The following GRM8 variants were observed in gnomAD, a reference collection of about 807,000 sequenced individuals.
The protein encoded by GRM8 is glutamate metabotropic receptor 8.
Under a neutral mutation model 87.2 loss-of-function variants are expected in GRM8, and 47 were observed. The observed-to-expected ratio is 0.54, with a 90% CI of 0.43 to 0.69. The LOEUF is 0.69. GRM8 is among the 30% of genes least tolerant of loss of function. The pLI is 0.00. For synonymous variants in GRM8, 396 were observed against 404.5 expected, an observed-to-expected ratio of 0.98 and a Z score of 0.25; for missense variants, 1,019 against 1,139.2, an observed-to-expected ratio of 0.89 and a Z score of 1.52.
At chr7:127,094,395 G>C (rs1380124769) in intron 3 of GRM8, among the ~76,000 whole-genome samples, 11 of 152,308 alleles carry the variant, frequency 7.2e-5, no homozygotes, top group Non-Finnish European at 1.6e-4. Context: ...GGTAATCCCA[G>C]GGCCAAAATT....
chr7:126,965,127 G>A (rs780745170), intron 3 of GRM8, among the ~76,000 whole-genome samples: 9 of 152,012 alleles, frequency 5.9e-5, no homozygotes, highest in Non-Finnish European at 1.2e-4. Context: ...ATGGACACAG[G>A]GTGGGGGAAT....
intron 3 of GRM8, among the ~76,000 whole-genome samples, chr7:126,970,581 CA>C (rs1340307597): frequency 3.9e-5 from 6 of 152,234 alleles, no homozygotes; most frequent in African/African-American, 1.4e-4. Context: ...ATCCAAACCA[CA>C]AAAACTTTCT....
intron 3 of GRM8, among the ~76,000 whole-genome samples, chr7:126,978,547 C>G (rs1306610582): frequency 6.6e-6 from 1 of 152,164 alleles, no homozygotes; most frequent in African/African-American, 2.4e-5. Context: ...CTAAGGGTAC[C>G]TTGGTGTCAA....
At chr7:126,939,777 C>A (rs1806712300) in intron 3 of GRM8, among the ~76,000 whole-genome samples, 1 of 152,170 alleles carries the variant, frequency 6.6e-6, no homozygotes, top group Non-Finnish European at 1.5e-5. Flanking sequence ...GGGATGTATT[C>A]ATGAAACACA....
At chr7:126,837,158 G>C (rs971701194) in intron 6 of GRM8, among the ~76,000 whole-genome samples, 1 of 151,990 alleles carries the variant, frequency 6.6e-6, no homozygotes, top group African/African-American at 2.4e-5. Context: ...ATCCAGAAAG[G>C]CCTCACATTT....
chr7:126,871,392 A>G (rs1799084274), intron 6 of GRM8, among the ~76,000 whole-genome samples: 1 of 152,222 alleles, frequency 6.6e-6, no homozygotes, highest in African/African-American at 2.4e-5. Flanking sequence ...GGAGTGCCTT[A>G]TACATGTTTA....
intron 7 of GRM8, among the ~76,000 whole-genome samples, chr7:126,693,998 G>C (rs1257631184): frequency 1.3e-5 from 2 of 151,880 alleles, no homozygotes; most frequent in African/African-American, 4.8e-5. Context: ...TAGGTCATTA[G>C]AAATTTGTAT....
intron 3 of GRM8, among the ~76,000 whole-genome samples, chr7:126,929,579 A>G (rs952207133): frequency 2.0e-5 from 3 of 151,982 alleles, no homozygotes; most frequent in Middle Eastern, 3.2e-3. Flanking sequence ...GACTGCAGGC[A>G]CAGGCCACTA....
At chr7:126,956,006 C>G (rs974512773) in intron 3 of GRM8, among the ~76,000 whole-genome samples, 1 of 152,056 alleles carries the variant, frequency 6.6e-6, no homozygotes, top group African/African-American at 2.4e-5. Flanking sequence ...AATTAAATGG[C>G]ACCCTTTGCA....
chr7:126,713,867 AT>A (rs1463129842), intron 7 of GRM8, among the ~76,000 whole-genome samples: 3 of 152,036 alleles, frequency 2.0e-5, no homozygotes, highest in African/African-American at 7.2e-5. Flanking sequence ...CATTGTACAC[AT>A]TGTACACCTT....
At chr7:126,539,408 C>A (rs1306942830) in intron 8 of GRM8, among the ~76,000 whole-genome samples, 4 of 152,018 alleles carry the variant, frequency 2.6e-5, no homozygotes, top group African/African-American at 9.7e-5. Context: ...CAGTCAAAAT[C>A]TCAGCTGGCT....
intron 2 of GRM8, among the ~76,000 whole-genome samples, chr7:127,161,318 A>C (rs1432545229): frequency 6.6e-6 from 1 of 152,184 alleles, no homozygotes; most frequent in Non-Finnish European, 1.5e-5. Context: ...GATGCACAAA[A>C]GAGGAAGCTG....
chr7:126,569,652 G>A (rs1794530465), intron 8 of GRM8, among the ~76,000 whole-genome samples: 1 of 152,146 alleles, frequency 6.6e-6, no homozygotes, highest in Admixed American at 6.6e-5. Flanking sequence ...GACAATAGAA[G>A]GGGCCAAGTG....
intron 8 of GRM8, among the ~76,000 whole-genome samples, chr7:126,600,463 G>A (rs1437052672): frequency 6.6e-6 from 1 of 152,060 alleles, no homozygotes; most frequent in Non-Finnish European, 1.5e-5. Context: ...ATCTACATAG[G>A]GATGACTGTA....
chr7:126,923,243 G>C (rs1225375914), intron 3 of GRM8, among the ~76,000 whole-genome samples: 1 of 151,938 alleles, frequency 6.6e-6, no homozygotes, highest in Non-Finnish European at 1.5e-5. Flanking sequence ...ATATTTTTAG[G>C]AACAAAATCC....
chr7:126,601,143 C>T (rs927076735), intron 8 of GRM8, among the ~76,000 whole-genome samples: 3 of 148,412 alleles, frequency 2.0e-5, no homozygotes, highest in Admixed American at 1.4e-4. Context: ...CATGTGATCT[C>T]ATTGTTCAAT....
rs1563413288 is a variant in GRM8 at position 127,015,058 on chromosome 7, GA to G, written c.727+91437del. The stretch of plus-strand genomic sequence containing the variant: ...AGAAGAAGAAGAAGAAGAAGAAGAA[GA>G]AGAAGAAGAAAGAAAGAAGGAGAAG... On this transcript the variant is annotated intron_variant, in intron 3 of 10. Transcript: ENST00000339582. 1.1e-4 allele frequency among the ~76,000 whole-genome samples: 12 copies of G among 108,372 alleles called. 1 individual carries two copies. Among genetic ancestry groups the G allele is most frequent in the African/African-American group, 3.8e-4 (12 of 31,210 alleles). The allele number at this position is 108,372 out of a possible 152,430, so 71.1% of individuals were successfully genotyped here.
intron 3 of GRM8, among the ~76,000 whole-genome samples, chr7:127,003,149 A>G (rs1813893909): frequency 6.6e-6 from 1 of 151,726 alleles, no homozygotes; most frequent in Admixed American, 6.6e-5. Context: ...TCAAAATCAA[A>G]TGTATCATAA....
At chr7:126,958,584 C>T (rs914665288) in intron 3 of GRM8, among the ~76,000 whole-genome samples, 20 of 152,172 alleles carry the variant, frequency 1.3e-4, no homozygotes, top group African/African-American at 3.6e-4. Context: ...TGCCACTCCT[C>T]GCCCGGCCCG....
Sources: gnomAD v4.1 joint callset for allele counts (sites outside exome capture counted in the v4.1 genomes callset) on GRCh38, gnomAD v4.1.1 for gene constraint, MANE v1.5 for transcripts, NCBI Gene and HGNC (gene_info 2026-07-23, HGNC 2026-07-21) for gene names.